The following ELP4 variants were observed in gnomAD, a reference collection of about 807,000 sequenced individuals.
The protein encoded by ELP4 is elongator complex protein 4.
In ELP4, 51 loss-of-function variants were observed where a neutral mutation model predicts 48.9. The ratio of observed to expected loss-of-function variants is 1.04; its 90% CI spans 0.83 to 1.32. The LOEUF (loss-of-function observed/expected upper bound fraction) is 1.32. Among genes scored for constraint, ELP4 ranks in the 40% most tolerant of loss-of-function variants. The pLI, the probability that ELP4 is intolerant of heterozygous loss-of-function variation, is 0.00. For missense variants in ELP4, 519 were observed against 514.6 expected (o/e 1.01, Z -0.08); for synonymous variants, 210 against 189.2 (o/e 1.11, Z -0.90).
chr11:31,529,175 C>G (rs1002030036), intron 2 of ELP4, among the ~76,000 whole-genome samples: 3 of 151,264 alleles, frequency 2.0e-5, no homozygotes, highest in Admixed American at 6.6e-5. Context: ...AAGTGCAGTG[C>G]AGTGTTTAGT....
intron 9 of ELP4, among the ~76,000 whole-genome samples, chr11:31,706,517 A>G (rs1946636726): frequency 6.8e-6 from 1 of 147,998 alleles, no homozygotes; most frequent in African/African-American, 2.4e-5. Context: ...ATATTTATAT[A>G]TGTAATTAAT....
chr11:31,739,814 G>A (rs1328063680), intron 9 of ELP4, among the ~76,000 whole-genome samples: 1 of 152,178 alleles, frequency 6.6e-6, no homozygotes, highest in South Asian at 2.1e-4. Context: ...CCACAAGGAA[G>A]TCCATAATTT....
At chr11:31,718,243 G>A (rs1484170930) in intron 9 of ELP4, among the ~76,000 whole-genome samples, 1 of 152,302 alleles carries the variant, frequency 6.6e-6, no homozygotes, top group African/African-American at 2.4e-5. Flanking sequence ...CTACCTAAAT[G>A]TAGACCTTAA....
intron 9 of ELP4, among the ~76,000 whole-genome samples, chr11:31,668,898 A>C (rs1945743447): frequency 6.6e-6 from 1 of 151,704 alleles, no homozygotes. Context: ...ATATTTATGA[A>C]GGTATTTTAG....
At chr11:31,676,742 A>G (rs529663868) in intron 9 of ELP4, among the ~76,000 whole-genome samples, 2 of 152,298 alleles carry the variant, frequency 1.3e-5, no homozygotes, top group African/African-American at 2.4e-5. Context: ...CAGAGAGATA[A>G]AGAGGCTTAG....
chr11:31,746,452 G>T (rs546603524), intron 9 of ELP4, among the ~76,000 whole-genome samples: 1 of 152,082 alleles, frequency 6.6e-6, no homozygotes, highest in South Asian at 2.1e-4. Context: ...TGTTTATTGC[G>T]TCACTATTCA....
intron 5 of ELP4, among the ~76,000 whole-genome samples, chr11:31,607,692 C>T (rs1957901235): frequency 6.6e-6 from 1 of 152,198 alleles, no homozygotes; most frequent in Admixed American, 6.5e-5. Flanking sequence ...AGTTTGCATA[C>T]AGTTGGTAGT....
intron 9 of ELP4, among the ~76,000 whole-genome samples, chr11:31,752,112 C>T (rs1248972451): frequency 6.6e-6 from 1 of 152,058 alleles, no homozygotes; most frequent in Non-Finnish European, 1.5e-5. Context: ...AAAAAAAATT[C>T]TAAATAGAAC....
At chr11:31,667,834 T>A (rs7935213) in intron 9 of ELP4, among the ~76,000 whole-genome samples, 5 of 151,950 alleles carry the variant, frequency 3.3e-5, no homozygotes, top group East Asian at 1.9e-4. Flanking sequence ...CTCGTGCTAC[T>A]CAGACTGGAT....
intron 9 of ELP4, among the ~76,000 whole-genome samples, chr11:31,757,592 T>A (rs1457199877): frequency 2.6e-5 from 4 of 152,208 alleles, no homozygotes; most frequent in Non-Finnish European, 4.4e-5. Context: ...AATAAGCTCT[T>A]GGGGTTATTC....
intron 9 of ELP4, among the ~76,000 whole-genome samples, chr11:31,768,355 C>G (rs1055959422): frequency 6.6e-6 from 1 of 152,178 alleles, no homozygotes; most frequent in Non-Finnish European, 1.5e-5. Flanking sequence ...GCACCTCTAT[C>G]TGTCCATGAA....
At chr11:31,519,058 G>A (rs900480002) in intron 1 of ELP4, among the ~76,000 whole-genome samples, 19 of 151,818 alleles carry the variant, frequency 1.3e-4, no homozygotes, top group African/African-American at 4.1e-4. Context: ...CAAGTGATCC[G>A]CCCACTTCAG....
chr11:31,534,538 T>TA (rs1261461287), intron 2 of ELP4, among the ~76,000 whole-genome samples: 1 of 152,130 alleles, frequency 6.6e-6, no homozygotes. Flanking sequence ...TCTAGAATAT[T>TA]ATTCAGCCTT....
intron 7 of ELP4, among the ~76,000 whole-genome samples, chr11:31,637,948 T>A (rs1284197875): frequency 6.6e-6 from 1 of 151,888 alleles, no homozygotes; most frequent in African/African-American, 2.4e-5. Context: ...TGTTTATGCA[T>A]TTTTTAGTAT....
At chr11:31,726,670 G>A (rs1221875143) in intron 9 of ELP4, among the ~76,000 whole-genome samples, 2 of 152,028 alleles carry the variant, frequency 1.3e-5, no homozygotes, top group Admixed American at 6.6e-5. Flanking sequence ...AAAAAAAAAG[G>A]GAATCCTAAT....
intron 9 of ELP4, chr11:31,651,671 TTC>T (rs1945321565): frequency 6.6e-6 from 1 of 151,402 alleles, no homozygotes; most frequent in African/African-American, 2.4e-5. Flanking sequence ...GATTATCGTT[TTC>T]TTTTGAGTTT....
intron 9 of ELP4, among the ~76,000 whole-genome samples, chr11:31,723,808 C>T (rs970822702): frequency 6.6e-6 from 1 of 152,122 alleles, no homozygotes; most frequent in Non-Finnish European, 1.5e-5. Flanking sequence ...AAAAGCAGAT[C>T]ATATTTATAA....
At chr11:31,583,130 G>C (rs991384431) in intron 3 of ELP4, among the ~76,000 whole-genome samples, 1 of 152,048 alleles carries the variant, frequency 6.6e-6, no homozygotes, top group African/African-American at 2.4e-5. Flanking sequence ...GGTCTTTATG[G>C]TTCCTTTAAA....
At chr11:31,592,312 G>A (rs1957594248) in intron 3 of ELP4, among the ~76,000 whole-genome samples, 1 of 152,046 alleles carries the variant, frequency 6.6e-6, no homozygotes, top group African/African-American at 2.4e-5. Flanking sequence ...GGGAGGCCGA[G>A]GCAGGCAGAT....
Sources: gnomAD v4.1 joint callset for allele counts (sites outside exome capture counted in the v4.1 genomes callset) on GRCh38, gnomAD v4.1.1 for gene constraint, MANE v1.5 for transcripts, NCBI Gene and HGNC (gene_info 2026-07-23, HGNC 2026-07-21) for gene names.